The following MIPOL1 variants were observed in gnomAD, a reference collection of about 807,000 sequenced individuals.
MIPOL1 encodes the protein mirror-image polydactyly 1, also known as mirror-image polydactyly gene 1 protein.
Under a neutral mutation model 60.9 loss-of-function variants are expected in MIPOL1, and 57 were observed. That is an observed-to-expected ratio of 0.94 (90% CI 0.76 to 1.17). The LOEUF is 1.17. MIPOL1 is among the 50% of genes most tolerant of loss of function. MIPOL1 has a pLI of 0.00. For synonymous variants in MIPOL1, 179 were observed against 168.8 expected, an observed-to-expected ratio of 1.06 and a Z score of -0.47; for missense variants, 551 against 511.6, an observed-to-expected ratio of 1.08 and a Z score of -0.74.
chr14:37,509,087 A>G (rs561087860), intron 12 of MIPOL1, among the ~76,000 whole-genome samples: 3 of 152,050 alleles, frequency 2.0e-5, no homozygotes, highest in East Asian at 3.9e-4. Flanking sequence ...TTGTACCTCT[A>G]CACAATTCCC....
chr14:37,360,396 A>G (rs1390459248), intron 9 of MIPOL1, among the ~76,000 whole-genome samples: 1 of 152,146 alleles, frequency 6.6e-6, no homozygotes, highest in Non-Finnish European at 1.5e-5. Context: ...AAGGAATGGT[A>G]CTATCTCCTC....
At chr14:37,521,983 A>G (rs1021619737) in intron 12 of MIPOL1, among the ~76,000 whole-genome samples, 4 of 150,734 alleles carry the variant, frequency 2.7e-5, no homozygotes, top group African/African-American at 4.9e-5. Flanking sequence ...TGATCTTTAC[A>G]TTTTTAAATT....
At chr14:37,293,596 G>T (rs2085308462) in intron 7 of MIPOL1, among the ~76,000 whole-genome samples, 1 of 152,126 alleles carries the variant, frequency 6.6e-6, no homozygotes, top group Non-Finnish European at 1.5e-5. Flanking sequence ...TGGAAAATCG[G>T]ATCACTCCCA....
intron 9 of MIPOL1, among the ~76,000 whole-genome samples, chr14:37,312,666 T>G (rs2087453275): frequency 1.3e-5 from 2 of 152,176 alleles, no homozygotes; most frequent in African/African-American, 2.4e-5. Flanking sequence ...CCAAATTGTT[T>G]TTTCATTTCT....
Position 37,422,886 on chromosome 14 carries a change from A to T in MIPOL1, c.968A>T (p.Glu323Val). The T allele has an allele frequency of 1.9e-6, 3 of 1,608,882 alleles. No individual in the cohort carries two copies. Among genetic ancestry groups the T allele is most frequent in the Non-Finnish European group, 2.5e-6 (3 of 1,176,890 alleles). ...TTGTTATCTATGCAACAAGCCAGAGAAACTGCAGTTCAACAGTACAAAAAA... is the reference window on the plus strand; with the variant it reads ...TTGTTATCTATGCAACAAGCCAGAGTAACTGCAGTTCAACAGTACAAAAAA... ...AKLLSMQQAR[E>V]TAVQQYKKLE... Residue 323 changes from glutamate to valine, a missense_variant, in exon 11 of 13, where the codon GAA (glutamate) becomes GTA (valine). Physicochemically the swap from Glu to Val is moderately radical, Grantham distance 121 (BLOSUM62 -2). Transcript: ENST00000684589.
chr14:37,490,499 GA>G (rs2095032510), intron 11 of MIPOL1, among the ~76,000 whole-genome samples: 1 of 152,002 alleles, frequency 6.6e-6, no homozygotes, highest in African/African-American at 2.4e-5. Flanking sequence ...CCGGGGTATA[GA>G]AAAAAAACTC....
chr14:37,422,771 T>G (rs2093896972), intron 10 of MIPOL1, 84 bp from the exon 11 acceptor site: 2 of 826,246 alleles, frequency 2.4e-6, no homozygotes, highest in African/African-American at 1.8e-5. Context: ...TGTCAGTAAT[T>G]TAAGACTACT....
At chr14:37,293,584 C>A (rs968406839) in intron 7 of MIPOL1, among the ~76,000 whole-genome samples, 1 of 152,130 alleles carries the variant, frequency 6.6e-6, no homozygotes, top group Admixed American at 6.5e-5. Context: ...ACAGACGGCA[C>A]CTGGAAAATC....
intron 7 of MIPOL1, among the ~76,000 whole-genome samples, chr14:37,293,768 GC>G (rs1043965131): frequency 1.3e-5 from 2 of 152,206 alleles, no homozygotes; most frequent in African/African-American, 4.8e-5. Flanking sequence ...GGTGGGGGGT[GC>G]CCGCCATTGC....
At position 37,355,389 on chromosome 14, in the gene MIPOL1, A is replaced by C. The variant is rs1323114168; in HGVS notation, c.829-14128A>C. Among the ~76,000 whole-genome samples the C allele has an allele frequency of 3.6e-5, 5 of 139,664 alleles. No individual in the cohort carries two copies. In the East Asian group the frequency reaches 1.1e-3, roughly 31 times the overall value. The allele number at this position is 139,664 out of a possible 152,430, so 91.6% of individuals were successfully genotyped here. A position where few individuals can be genotyped will look rare whatever the true frequency, so the allele number is the denominator to read the frequency against. ...TGAATCTGACAATTATGTGTCTTGG[A>C]GTTGCTCTTCTCGAGGAGTATCTTT... On this transcript the variant is annotated intron_variant, in intron 9 of 12. Coordinates refer to ENST00000684589, the MANE Select transcript of MIPOL1 (RefSeq NM_001388067.1).
chr14:37,267,136 A>T lies in MIPOL1; in HGVS notation c.218A>T (p.Asp73Val), dbSNP rs2082935560. The T allele has an allele frequency of 6.2e-7, 1 of 1,613,718 alleles. No individual in the cohort carries two copies. The highest frequency in any genetic ancestry group is 8.5e-7 in the Non-Finnish European group (1 of 1,179,884). Residue 73 changes from aspartate (D) to valine (V), a missense_variant, in exon 4 of 13, where the codon GAT becomes GTT. Asp to Val is a radical substitution (Grantham distance 152). Transcript: ENST00000684589. ...CAGATCATCAGTTCTTATCCAGATG[A>T]TGAGTCTGTTTACTGCACTACTGAA... ...NFQIISSYPDDESVYCTTEKY... is the reference protein window; with the variant it reads ...NFQIISSYPDVESVYCTTEKY...
chr14:37,329,082 G>A (rs577906721), intron 9 of MIPOL1, among the ~76,000 whole-genome samples: 9 of 151,858 alleles, frequency 5.9e-5, no homozygotes, highest in Non-Finnish European at 1.3e-4. Flanking sequence ...TAAGTTTTAG[G>A]GTACAAAATT....
chr14:37,299,646 G>C (rs1296090809), intron 7 of MIPOL1, among the ~76,000 whole-genome samples: 1 of 151,980 alleles, frequency 6.6e-6, no homozygotes, highest in Non-Finnish European at 1.5e-5. Context: ...TTCTAGAACA[G>C]TTGTGAAGAT....
chr14:37,380,765 T>C lies in MIPOL1; in HGVS notation c.936+11141T>C, dbSNP rs566559954. Among the ~76,000 whole-genome samples the C allele has an allele frequency of 2.0e-5, 3 of 152,180 alleles. No homozygotes were observed. In the South Asian group the frequency reaches 6.2e-4, roughly 31 times the overall value. Reference sequence around the variant, plus strand: ...GATAAGTAATGATAGAAATATAAAATTACATTGCAAGCTTCCTTACAGGAA... The same window carrying C: ...GATAAGTAATGATAGAAATATAAAACTACATTGCAAGCTTCCTTACAGGAA... On this transcript the variant is annotated intron_variant, in intron 10 of 12. Transcript: ENST00000684589.
Position 37,299,452 on chromosome 14 carries a change from T to A in MIPOL1, c.624-8604T>A, listed in dbSNP as rs1046664545. 1.8e-4 allele frequency among the ~76,000 whole-genome samples: 13 copies of A among 72,628 alleles called. No homozygotes were observed. The East Asian group carries it at 1.9e-3, about 11-fold the overall frequency. The allele number at this position is 72,628 out of a possible 152,430, so 47.6% of individuals were successfully genotyped here. A position where few individuals can be genotyped will look rare whatever the true frequency, so the allele number is the denominator to read the frequency against. ...CTTAAAGTATAATAATAAAAAAAAA[T>A]TAAAAAAATAAAAATTACTCTACAA... On this transcript the variant is annotated intron_variant, in intron 7 of 12. Coordinates refer to ENST00000684589, the MANE Select transcript of MIPOL1 (RefSeq NM_001388067.1).
At chr14:37,329,764 G>C (rs879835977) in intron 9 of MIPOL1, among the ~76,000 whole-genome samples, 1 of 152,068 alleles carries the variant, frequency 6.6e-6, no homozygotes, top group Non-Finnish European at 1.5e-5. Context: ...CCTGAACTCT[G>C]CTTTGTGTTT....
In MIPOL1 at chr14:37,207,876, C is replaced by A. The variant is rs370734550; in HGVS notation, c.-199+9772C>A. Among the ~76,000 whole-genome samples the A allele has an allele frequency of 3.4e-4, 52 of 152,196 alleles. 1 individual carries two copies. The South Asian group carries it at 0.01, about 30-fold the overall frequency. ...CATGCTATTTTTATATCTTGAAAAA[C>A]CAATTATTAACAGTTTTAACTATAA... On this transcript the variant is annotated intron_variant, in intron 1 of 12. Coordinates refer to ENST00000684589, the MANE Select transcript of MIPOL1 (RefSeq NM_001388067.1).
chr14:37,541,601 T>G (rs1182397647), intron 12 of MIPOL1, among the ~76,000 whole-genome samples: 1 of 152,318 alleles, frequency 6.6e-6, no homozygotes, highest in East Asian at 1.9e-4. Context: ...TTTCTTGTCC[T>G]ATTAAACCCT....
At chr14:37,425,785 A>T (rs1007847706) in intron 11 of MIPOL1, among the ~76,000 whole-genome samples, 1 of 152,226 alleles carries the variant, frequency 6.6e-6, no homozygotes, top group Non-Finnish European at 1.5e-5. Flanking sequence ...ATAGGAAAAA[A>T]GAGTCAAATG....
Sources: allele counts gnomAD v4.1 joint callset (sites outside exome capture counted in the v4.1 genomes callset), GRCh38; gene constraint gnomAD v4.1.1; transcripts MANE v1.5; gene names NCBI Gene and HGNC (gene_info 2026-07-23, HGNC 2026-07-21).